PIWIL3: variants seen among roughly 807,000 people sequenced by gnomAD.
PIWIL3 encodes piwi like RNA-mediated gene silencing 3.
PIWIL3 carries 101 observed loss-of-function variants against 109.7 expected under a neutral mutation model. The ratio of observed to expected loss-of-function variants is 0.92; its 90% CI spans 0.78 to 1.09. PIWIL3 has a LOEUF of 1.09. Ranked by LOEUF, PIWIL3 falls within the 50% of genes least tolerant of loss-of-function variation. The probability of loss-of-function intolerance (pLI) is 0.00; values close to 1 mark genes in which losing one functional copy is unlikely to be tolerated. For missense variants in PIWIL3, 1,031 were observed against 1,072.6 expected (o/e 0.96, Z 0.54); for synonymous variants, 373 against 376.4 (o/e 0.99, Z 0.10).
chr22:24,729,415 G>A (rs578010588), intron 14 of PIWIL3, among the ~76,000 whole-genome samples: 2 of 152,208 alleles, frequency 1.3e-5, no homozygotes, highest in South Asian at 2.1e-4. Context: ...CTTGCCGAGT[G>A]GTTCACTTGG....
intron 5 of PIWIL3, 101 bp downstream of exon 5, chr22:24,756,390 A>G (rs1925031853): frequency 8.8e-7 from 1 of 1,137,056 alleles, no homozygotes; most frequent in African/African-American, 1.6e-5. Context: ...GAGCCTTGGG[A>G]TGTCTCAACA....
At chr22:24,724,766 C>A in intron 18 of PIWIL3, 121 bp downstream of exon 18, 1 of 1,108,900 alleles carries the variant, frequency 9.0e-7, no homozygotes, top group Non-Finnish European at 1.3e-6. Flanking sequence ...GAGATTGGAT[C>A]TCACTATGTT....
chr22:24,721,214 G>A (rs1486847736), intron 19 of PIWIL3, among the ~76,000 whole-genome samples: 2 of 152,054 alleles, frequency 1.3e-5, no homozygotes, highest in Admixed American at 6.6e-5. Context: ...CTAGCTTGAT[G>A]GTTATTTTTA....
At position 24,728,334 on chromosome 22, in the gene PIWIL3, T is replaced by A. The variant is rs778686053; in HGVS notation, c.1748A>T (p.Asp583Val). The A allele has an allele frequency of 8.1e-6, 13 of 1,614,184 alleles. 1 individual carries two copies. The South Asian group carries it at 1.2e-4, about 15-fold the overall frequency. Residue 583 changes from aspartate to valine, a missense_variant, in exon 15 of 21, where the codon GAC becomes GTC. Asp to Val is a radical substitution (Grantham distance 152). Transcript: ENST00000616349. ...GGTACATAGGTATCTTTTTATGCTGTCATATCTACGTTTGTCATCATTGGG... is the reference window on the plus strand; with the variant it reads ...GGTACATAGGTATCTTTTTATGCTGACATATCTACGTTTGTCATCATTGGG... The part of the protein sequence containing the change: ...ILPNDDKRRY[D>V]SIKRYLCTKC...
intron 11 of PIWIL3, 96 bp downstream of exon 11, chr22:24,749,308 T>G: frequency 6.6e-7 from 1 of 1,526,268 alleles, no homozygotes; most frequent in Non-Finnish European, 8.8e-7. Context: ...GTCACTTGCT[T>G]GTAGAAGAAT....
chr22:24,735,454 A>G (rs1365711777), intron 13 of PIWIL3, among the ~76,000 whole-genome samples: 6 of 152,252 alleles, frequency 3.9e-5, no homozygotes, highest in Non-Finnish European at 8.8e-5. Flanking sequence ...TTTTGGAAAC[A>G]TGCGTGAGAA....
In PIWIL3 at chr22:24,719,838, A is replaced by G. The variant is rs780873182; in HGVS notation, c.2415T>C (p.His805=). ...CAATCGTGTCATAGATGACGTTATA[A>G]TGAGTGGGGGTAACAGTCCCATCTT... ...SVQDGTVTPT[H]YNVIYDTIGL... Residue 805 remains histidine (H), a synonymous_variant, in exon 20 of 21, where the codon CAT becomes CAC. Coordinates refer to ENST00000616349, the MANE Select transcript of PIWIL3 (RefSeq NM_001255975.1). The G allele has an allele frequency of 7.4e-6, 12 of 1,611,138 alleles. No individual in the cohort carries two copies. Among genetic ancestry groups the G allele is most frequent in the Non-Finnish European group, 1.0e-5 (12 of 1,177,294 alleles).
rs146385333 is a variant in PIWIL3 at position 24,741,277 on chromosome 22, G to A, written c.1450-5385C>T. Among the ~76,000 whole-genome samples the A allele has an allele frequency of 4.5e-3, 679 of 152,314 alleles. 5 individuals carry two copies. The highest frequency in any genetic ancestry group is 0.016 in the African/African-American group (655 of 41,576). ...CACCTGTAATCCCAGCACTTTGGGA[G>A]GCAGAGGTGGGCCAATCACGAAGTC... On this transcript the variant is annotated intron_variant, in intron 12 of 20. Transcript: ENST00000616349.
rs936183954 is a variant in PIWIL3, at chr22:24,732,032, T to G, written c.1707+2052A>C. On this transcript the variant is annotated intron_variant, in intron 14 of 20. Transcript: ENST00000616349. The stretch of plus-strand genomic sequence containing the variant: ...ATCTGCAAGCTGTCTGTACCTACCA[T>G]AAAGAAAACCGACACATCCCCAAAC... 2.6e-5 allele frequency among the ~76,000 whole-genome samples: 4 copies of G among 152,360 alleles called. No homozygotes were observed. The South Asian group carries it at 6.2e-4, about 24-fold the overall frequency.
chr22:24,766,413 G>C (rs908575387), intron 1 of PIWIL3, among the ~76,000 whole-genome samples: 1 of 151,924 alleles, frequency 6.6e-6, no homozygotes, highest in Non-Finnish European at 1.5e-5. Flanking sequence ...CTGTCTGCTG[G>C]GTTCACGCCA....
intron 1 of PIWIL3, chr22:24,769,923 C>T (rs534476679): frequency 1.3e-5 from 2 of 152,308 alleles, no homozygotes; most frequent in East Asian, 1.9e-4. Context: ...AAGCCACATT[C>T]TAAGCTGTCC....
chr22:24,767,828 A>G (rs1378241586), intron 1 of PIWIL3, among the ~76,000 whole-genome samples: 1 of 152,234 alleles, frequency 6.6e-6, no homozygotes, highest in Non-Finnish European at 1.5e-5. Context: ...CTGAAAGGAC[A>G]GTGACTTGCC....
chr22:24,726,852 G>A (rs1051375641), intron 16 of PIWIL3, among the ~76,000 whole-genome samples: 5 of 152,176 alleles, frequency 3.3e-5, no homozygotes, highest in South Asian at 2.1e-4. Flanking sequence ...CACCTAGTGG[G>A]CCACAATCAT....
chr22:24,749,848 C>T (rs369807872), intron 9 of PIWIL3, 29 bp from the exon 10 acceptor site: 6 of 1,613,914 alleles, frequency 3.7e-6, no homozygotes, highest in Admixed American at 1.7e-5. Context: ...ACCAGCATGA[C>T]CATCAGTGAA....
At chr22:24,767,333 C>T (rs1231430315) in intron 1 of PIWIL3, among the ~76,000 whole-genome samples, 2 of 151,472 alleles carry the variant, frequency 1.3e-5, no homozygotes, top group African/African-American at 4.9e-5. Context: ...GTCAGGAGTT[C>T]GAGACCAGCC....
chr22:24,748,352 A>T (rs1924494476), intron 12 of PIWIL3, among the ~76,000 whole-genome samples: 3 of 152,146 alleles, frequency 2.0e-5, no homozygotes, highest in African/African-American at 7.2e-5. Flanking sequence ...AATGAGTAAG[A>T]CCTAGCATCT....
intron 1 of PIWIL3, among the ~76,000 whole-genome samples, chr22:24,763,269 T>TG (rs936136578): frequency 1.3e-5 from 2 of 151,756 alleles, no homozygotes; most frequent in African/African-American, 4.8e-5. Flanking sequence ...CTCAGCCTCC[T>TG]GAGGCACACA....
intron 1 of PIWIL3, among the ~76,000 whole-genome samples, chr22:24,764,916 A>G (rs1925699893): frequency 6.6e-6 from 1 of 152,186 alleles, no homozygotes; most frequent in African/African-American, 2.4e-5. Flanking sequence ...GGAGAAATGG[A>G]TAAACTGAGC....
intron 8 of PIWIL3, 107 bp from the exon 9 acceptor site, chr22:24,751,605 G>C: frequency 6.7e-7 from 1 of 1,502,410 alleles, no homozygotes. Flanking sequence ...GAATATATTA[G>C]ATTTACTTAA....
Sources: gnomAD v4.1 joint callset for allele counts (sites outside exome capture counted in the v4.1 genomes callset) on GRCh38, gnomAD v4.1.1 for gene constraint, MANE v1.5 for transcripts, NCBI Gene and HGNC (gene_info 2026-07-23, HGNC 2026-07-21) for gene names.